RAB5C: variants seen among roughly 807,000 people sequenced by gnomAD.
RAB5C encodes RAB5C, member RAS oncogene family.
Under a neutral mutation model 25.2 loss-of-function variants are expected in RAB5C, and 4 were observed. That is an observed-to-expected ratio of 0.16 (90% CI 0.08 to 0.36). The LOEUF is 0.36. RAB5C is among the 10% of genes least tolerant of loss of function. The pLI is 1.00. For synonymous variants in RAB5C, 100 were observed against 106.4 expected (o/e 0.94, Z 0.37); for missense variants, 199 against 283.8 (o/e 0.70, Z 2.15).
intron 1 of RAB5C, among the ~76,000 whole-genome samples, chr17:42,149,090 C>T (rs1481983914): frequency 2.0e-5 from 3 of 152,128 alleles, no homozygotes; most frequent in Non-Finnish European, 2.9e-5. Flanking sequence ...GCAGAGGATG[C>T]CAAAAATATT....
rs1006644544 is a variant in RAB5C at position 42,125,146 on chromosome 17, C to G, written c.*637G>C. 3.4e-5 allele frequency: 5 copies of G among 146,830 alleles called. No individual in the cohort carries two copies. The highest frequency in any genetic ancestry group is 9.9e-5 in the African/African-American group (4 of 40,270). 9.1% of individuals were successfully genotyped at this position (146,830 alleles called of 1,614,324 possible). ...ATCATGATTTGGTCAGAACAGGGCT[C>G]AGAGCCAGAGGTTGGGGTGACCGAG... On this transcript the variant is annotated 3_prime_UTR_variant, in exon 6 of 6. Coordinates refer to ENST00000346213, the MANE Select transcript of RAB5C (RefSeq NM_004583.4).
chr17:42,135,585 C>T (rs1035165656), intron 1 of RAB5C, among the ~76,000 whole-genome samples: 2 of 152,188 alleles, frequency 1.3e-5, no homozygotes, highest in African/African-American at 4.8e-5. Context: ...CACCCCCGAT[C>T]AGTGCTGTGC....
chr17:42,136,696 T>C (rs918544363), intron 1 of RAB5C, among the ~76,000 whole-genome samples: 4 of 152,166 alleles, frequency 2.6e-5, no homozygotes, highest in African/African-American at 9.7e-5. Context: ...GAGGCTAGAA[T>C]TGGTAGTCAG....
intron 1 of RAB5C, among the ~76,000 whole-genome samples, chr17:42,154,056 G>A (rs1384150522): frequency 6.6e-6 from 1 of 152,178 alleles, no homozygotes; most frequent in Non-Finnish European, 1.5e-5. Flanking sequence ...CACACGGACA[G>A]CAGTCCCAAG....
chr17:42,128,450 G>A, intron 3 of RAB5C, 67 bp from the exon 4 acceptor site: 1 of 1,541,936 alleles, frequency 6.5e-7, no homozygotes, highest in South Asian at 1.2e-5. Context: ...ACCCATTAGA[G>A]ACTCTCAAGC....
intron 1 of RAB5C, chr17:42,131,467 A>AAC (rs532854498): frequency 3.9e-6 from 3 of 768,370 alleles, no homozygotes; most frequent in Non-Finnish European, 6.4e-6. Context: ...AACACATGCC[A>AAC]ACACACACAC....
Position 42,125,653 on chromosome 17 carries a change from G to C in RAB5C, c.*130C>G. On this transcript the variant is annotated 3_prime_UTR_variant, in exon 6 of 6. Transcript: ENST00000346213. ...CGGCCTATGATCAAAATTATATGGA[G>C]AAATCATGGTGGACCCCTCCCCCTG... 3.2e-6 allele frequency: 2 copies of C among 626,218 alleles called. No homozygotes were observed. The highest frequency in any genetic ancestry group is 3.9e-5 in the South Asian group (2 of 51,420). The allele number at this position is 626,218 out of a possible 1,614,324, so 38.8% of individuals were successfully genotyped here.
intron 2 of RAB5C, 23 bp from the exon 3 acceptor site, chr17:42,128,823 A>G (rs201566361): frequency 3.7e-4 from 531 of 1,445,578 alleles, no homozygotes; most frequent in Non-Finnish European, 4.8e-4. Flanking sequence ...AGGAGCGTCC[A>G]TGGGCAAGAG....
intron 1 of RAB5C, among the ~76,000 whole-genome samples, chr17:42,134,472 G>A (rs1367529126): frequency 6.6e-6 from 1 of 152,160 alleles, no homozygotes; most frequent in Non-Finnish European, 1.5e-5. Flanking sequence ...AGCTACTTGG[G>A]AGGCTGAGGC....
chr17:42,131,762 CTTTTTG>C (rs1568019704), intron 1 of RAB5C: 2 of 713,578 alleles, frequency 2.8e-6, no homozygotes, highest in Non-Finnish European at 4.5e-6. Context: ...AGAGGCTCAA[CTTTTTG>C]TTTTTGTTAA....
At chr17:42,126,875 T>C in intron 4 of RAB5C, 27 bp from the exon 5 acceptor site, 1 of 1,518,922 alleles carries the variant, frequency 6.6e-7, no homozygotes, top group Non-Finnish European at 9.1e-7. Flanking sequence ...TGAGAGGAGG[T>C]GAGAGGGAAA....
intron 1 of RAB5C, among the ~76,000 whole-genome samples, chr17:42,141,890 G>A (rs909275711): frequency 5.9e-5 from 9 of 152,014 alleles, no homozygotes; most frequent in Non-Finnish European, 1.0e-4. Context: ...TGAAGGAGCC[G>A]GACTCCTCAC....
intron 1 of RAB5C, among the ~76,000 whole-genome samples, chr17:42,143,685 A>C (rs955992468): frequency 2.0e-5 from 3 of 152,228 alleles, no homozygotes; most frequent in Non-Finnish European, 2.9e-5. Flanking sequence ...AACCAAAAAC[A>C]AAAATCCTCA....
Position 42,130,593 on chromosome 17 carries a change from G to GT in RAB5C, c.-88-4dup, listed in dbSNP as rs1568019260. The GT allele has an allele frequency of 7.0e-6, 11 of 1,566,868 alleles. No homozygotes were observed. The highest frequency in any genetic ancestry group is 9.5e-6 in the Non-Finnish European group (11 of 1,156,032). On this transcript the variant is annotated splice_polypyrimidine_tract_variant and splice_region_variant and intron_variant, in intron 1 of 5. Coordinates refer to ENST00000346213, the MANE Select transcript of RAB5C (RefSeq NM_004583.4). ...TTAGTGGGGAGGGGGACCTCCAACT[G>GT]TAAGGGAGAAATGAGAAGTACTGAG... is the stretch of plus-strand genomic sequence containing the variant.
At position 42,151,174 on chromosome 17, in the gene RAB5C, C is replaced by T. The variant is rs2079668378; in HGVS notation, c.-89+3719G>A. Among the ~76,000 whole-genome samples, 7 of 152,098 alleles carry T rather than the reference C, an allele frequency of 4.6e-5. No homozygotes were observed. In the South Asian group the frequency reaches 8.3e-4, roughly 18 times the overall value. On this transcript the variant is annotated intron_variant, in intron 1 of 5. Transcript: ENST00000346213. Reference sequence around the variant, plus strand: ...AGGTCTGGCCAGGCGCAGTGGCTCACGCCTGTAATCCCAGCACTTTGGGAG... The same window carrying T: ...AGGTCTGGCCAGGCGCAGTGGCTCATGCCTGTAATCCCAGCACTTTGGGAG...
At chr17:42,129,406 C>G (rs1201563139) in intron 2 of RAB5C, among the ~76,000 whole-genome samples, 5 of 152,232 alleles carry the variant, frequency 3.3e-5, no homozygotes, top group Non-Finnish European at 7.3e-5. Context: ...CAGACCTGTT[C>G]CTGTATGGCC....
At chr17:42,131,484 A>G in intron 1 of RAB5C, 1 of 936,092 alleles carries the variant, frequency 1.1e-6, no homozygotes, top group Admixed American at 2.1e-5. Flanking sequence ...ACACAGAAAT[A>G]CACACCAAAA....
At chr17:42,136,826 C>T (rs1568021209) in intron 1 of RAB5C, among the ~76,000 whole-genome samples, 1 of 152,176 alleles carries the variant, frequency 6.6e-6, no homozygotes, top group Admixed American at 6.5e-5. Context: ...AGAGCCCAAG[C>T]CTGCCCAAGA....
At position 42,128,802 on chromosome 17, in the gene RAB5C, TG is replaced by T; in HGVS notation, c.167-3del. ...AGACAGTCTGTGTGAGGAAGGCCGC[TG>T]TAAGAGAGAAGGAGCGTCCATGGGC... On this transcript the variant is annotated splice_polypyrimidine_tract_variant and splice_region_variant and intron_variant, in intron 2 of 5. Coordinates refer to ENST00000346213, the MANE Select transcript of RAB5C (RefSeq NM_004583.4). 1 of 1,493,438 alleles carries T rather than the reference TG, an allele frequency of 6.7e-7. No homozygotes were observed. Among genetic ancestry groups the T allele is most frequent in the South Asian group, 1.4e-5 (1 of 70,824 alleles). 92.5% of individuals were successfully genotyped at this position (1,493,438 alleles called of 1,614,324 possible). A position where few individuals can be genotyped will look rare whatever the true frequency, so the allele number is the denominator to read the frequency against.
Sources: gnomAD v4.1 joint callset for allele counts (sites outside exome capture counted in the v4.1 genomes callset) on GRCh38, gnomAD v4.1.1 for gene constraint, MANE v1.5 for transcripts, NCBI Gene and HGNC (gene_info 2026-07-23, HGNC 2026-07-21) for gene names.